The following ARHGAP26 variants were observed in gnomAD, a reference collection of about 807,000 sequenced individuals.
The protein encoded by ARHGAP26 is rho GTPase-activating protein 26.
In ARHGAP26, 38 loss-of-function variants were observed where a neutral mutation model predicts 104.8. The ratio of observed to expected loss-of-function variants is 0.36; its 90% CI spans 0.28 to 0.48. The LOEUF (loss-of-function observed/expected upper bound fraction) is 0.48, where lower values mean the gene tolerates loss of function less well. Ranked by LOEUF, ARHGAP26 falls within the 20% of genes least tolerant of loss-of-function variation. The probability of loss-of-function intolerance (pLI) is 0.99; values close to 1 mark genes in which losing one functional copy is unlikely to be tolerated. For missense variants in ARHGAP26, 704 were observed against 947.9 expected (o/e 0.74, Z 3.38); for synonymous variants, 341 against 340.0 (o/e 1.00, Z -0.03).
In ARHGAP26 at chr5:142,873,441, G is replaced by T; in HGVS notation, c.196G>T (p.Glu66Ter). 6.2e-7 allele frequency: 1 copy of T among 1,601,548 alleles called. No individual in the cohort carries two copies. The highest frequency in any genetic ancestry group is 8.5e-7 in the Non-Finnish European group (1 of 1,176,742). ...AKRKFADSLN[E>*]FKFQCIGDAE... ...GCGGAAGTTTGCAGATTCCTTAAAT[G>T]AATTTAAATTTCAGTGCATAGGAGA... Residue 66 changes from glutamate (E) to a stop codon, truncating the protein, a stop_gained, in exon 2 of 23, where the codon GAA becomes TAA. Transcript: ENST00000645722. LOFTEE classifies it high-confidence loss of function.
At chr5:143,148,349 G>T (rs568635634) in intron 20 of ARHGAP26, among the ~76,000 whole-genome samples, 2 of 152,260 alleles carry the variant, frequency 1.3e-5, no homozygotes, top group East Asian at 3.9e-4. Context: ...CCATTCAATT[G>T]CTGTGAGATA....
chr5:142,816,734 T>C (rs1167575434), intron 1 of ARHGAP26, among the ~76,000 whole-genome samples: 1 of 152,218 alleles, frequency 6.6e-6, no homozygotes, highest in African/African-American at 2.4e-5. Context: ...CACAGCCACA[T>C]TGTGGCAGGC....
intron 17 of ARHGAP26, among the ~76,000 whole-genome samples, chr5:143,092,203 G>A (rs1197868628): frequency 8.3e-6 from 1 of 121,106 alleles, no homozygotes; most frequent in Non-Finnish European, 1.6e-5. Flanking sequence ...TCTCCCTCTC[G>A]CCCAGGCTGG....
chr5:142,787,845 C>T (rs1452130697), intron 1 of ARHGAP26, among the ~76,000 whole-genome samples: 1 of 152,118 alleles, frequency 6.6e-6, no homozygotes, highest in East Asian at 1.9e-4. Flanking sequence ...TCATGATCAT[C>T]CCTATGTATC....
rs1332042111 is a variant in ARHGAP26 at position 143,225,350 on chromosome 5, G to C, written c.*2904G>C. 1 of 182,582 alleles carries C rather than the reference G, an allele frequency of 5.5e-6. No homozygotes were observed. Among genetic ancestry groups the C allele is most frequent in the Non-Finnish European group, 1.2e-5 (1 of 85,908 alleles). The allele number at this position is 182,582 out of a possible 1,614,324, so 11.3% of individuals were successfully genotyped here. A position where few individuals can be genotyped will look rare whatever the true frequency, so the allele number is the denominator to read the frequency against. On this transcript the variant is annotated 3_prime_UTR_variant, in exon 23 of 23. Coordinates refer to ENST00000645722, the MANE Select transcript of ARHGAP26 (RefSeq NM_001135608.3). ...CTACAGGCATGAGCCATCACACCCA[G>C]CTAGTTTTTTGTATTTTTAGTAAAG...
intron 14 of ARHGAP26, among the ~76,000 whole-genome samples, chr5:143,045,412 T>C (rs1005839923): frequency 1.4e-5 from 2 of 139,004 alleles, no homozygotes; most frequent in African/African-American, 6.7e-5. Flanking sequence ...AATTACGGAA[T>C]CACCAGGGCT....
chr5:143,129,065 GTCAATGC>G (rs1447162314), intron 18 of ARHGAP26, among the ~76,000 whole-genome samples: 12 of 152,316 alleles, frequency 7.9e-5, no homozygotes, highest in African/African-American at 2.9e-4. Flanking sequence ...TTCCACAAGT[GTCAATGC>G]TCTGCAATGT....
chr5:142,963,189 T>TATATATATATATACACAC (rs1562164724), intron 11 of ARHGAP26, among the ~76,000 whole-genome samples: 1 of 111,120 alleles, frequency 9.0e-6, no homozygotes, highest in African/African-American at 4.6e-5. Flanking sequence ...TATATATATA[T>TATATATATATATACACAC]ATATATATAT....
At chr5:143,020,810 T>C (rs984197197) in intron 12 of ARHGAP26, among the ~76,000 whole-genome samples, 1 of 152,042 alleles carries the variant, frequency 6.6e-6, no homozygotes, top group African/African-American at 2.4e-5. Flanking sequence ...GGCTAATTTT[T>C]TTGTAGTTTT....
At chr5:142,889,753 T>C (rs562555712) in intron 5 of ARHGAP26, among the ~76,000 whole-genome samples, 1 of 152,224 alleles carries the variant, frequency 6.6e-6, no homozygotes, top group Non-Finnish European at 1.5e-5. Context: ...AATGAGCTAA[T>C]GAAAGGCCAG....
intron 1 of ARHGAP26, among the ~76,000 whole-genome samples, chr5:142,827,252 C>T (rs1328929694): frequency 6.6e-6 from 1 of 152,030 alleles, no homozygotes; most frequent in Non-Finnish European, 1.5e-5. Context: ...GTGGCATGGC[C>T]CTGTGTCCTG....
intron 20 of ARHGAP26, among the ~76,000 whole-genome samples, chr5:143,169,266 T>G (rs1802449032): frequency 1.3e-5 from 2 of 152,248 alleles, no homozygotes; most frequent in South Asian, 4.1e-4. Context: ...ATCAGTGTTC[T>G]TGGTTGCAAG....
chr5:143,093,959 A>T (rs1791869663), intron 17 of ARHGAP26, among the ~76,000 whole-genome samples: 1 of 151,704 alleles, frequency 6.6e-6, no homozygotes, highest in Non-Finnish European at 1.5e-5. Context: ...CCCCATGGGG[A>T]TTTCTCACCT....
chr5:142,989,151 C>T (rs1775221556), intron 11 of ARHGAP26, among the ~76,000 whole-genome samples: 1 of 152,140 alleles, frequency 6.6e-6, no homozygotes, highest in Non-Finnish European at 1.5e-5. Flanking sequence ...TCTCTAAGGA[C>T]TTGCTTTATG....
At chr5:142,913,819 A>AT (rs1762145047) in intron 10 of ARHGAP26, among the ~76,000 whole-genome samples, 1 of 152,140 alleles carries the variant, frequency 6.6e-6, no homozygotes, top group Non-Finnish European at 1.5e-5. Context: ...TGAAATCACA[A>AT]TTTTTTGGAG....
chr5:143,032,342 G>T (rs1781995919), intron 12 of ARHGAP26, among the ~76,000 whole-genome samples: 1 of 152,240 alleles, frequency 6.6e-6, no homozygotes, highest in Non-Finnish European at 1.5e-5. Flanking sequence ...TTGGCCCTGG[G>T]AGACACAGGT....
chr5:142,898,588 CAGAA>C (rs1426194900), intron 6 of ARHGAP26, among the ~76,000 whole-genome samples: 1 of 152,194 alleles, frequency 6.6e-6, no homozygotes, highest in Non-Finnish European at 1.5e-5. Context: ...TGGCCTGGAC[CAGAA>C]TGCACCTTCT....
intron 11 of ARHGAP26, among the ~76,000 whole-genome samples, chr5:143,012,083 G>C (rs1393921118): frequency 6.6e-6 from 1 of 152,084 alleles, no homozygotes; most frequent in East Asian, 1.9e-4. Context: ...AAAATCTTTT[G>C]ACTCCTTATC....
intron 1 of ARHGAP26, among the ~76,000 whole-genome samples, chr5:142,813,854 C>T (rs573166998): frequency 6.6e-6 from 1 of 152,344 alleles, no homozygotes; most frequent in South Asian, 2.1e-4. Flanking sequence ...CAGCCCTTGA[C>T]AGTGTGGTTC....
Sources: gnomAD v4.1 joint callset for allele counts (sites outside exome capture counted in the v4.1 genomes callset) on GRCh38, gnomAD v4.1.1 for gene constraint, MANE v1.5 for transcripts, NCBI Gene and HGNC (gene_info 2026-07-23, HGNC 2026-07-21) for gene names.